Variants in DCC observed in about 807,000 individuals in gnomAD.
DCC encodes netrin receptor DCC.
A neutral mutation model predicts 172.5 loss-of-function variants in DCC; 58 were observed. That is an observed-to-expected ratio of 0.34 (90% confidence interval 0.27 to 0.42). The LOEUF is 0.42. Among genes scored for constraint, DCC ranks in the 10% least tolerant of loss-of-function variants. The pLI, the probability that DCC is intolerant of heterozygous loss-of-function variation, is 1.00. For missense variants in DCC, 1,740 were observed against 1,791.0 expected, an observed-to-expected ratio of 0.97 and a Z score of 0.51; for synonymous variants, 709 against 644.5, an observed-to-expected ratio of 1.10 and a Z score of -1.52.
intron 1 of DCC, among the ~76,000 whole-genome samples, chr18:52,634,244 G>A (rs994607691): frequency 3.2e-4 from 48 of 152,266 alleles, no homozygotes; most frequent in Admixed American, 2.0e-3. Flanking sequence ...AATTTTAATC[G>A]GTTAGGCACT....
intron 1 of DCC, among the ~76,000 whole-genome samples, chr18:52,377,675 A>AG (rs1056031156): frequency 2.6e-5 from 4 of 151,028 alleles, no homozygotes; most frequent in Admixed American, 2.0e-4. Flanking sequence ...ACAAAACAAC[A>AG]GAAAAAAAAA....
rs2046553461 is a variant in DCC at position 53,534,477 on chromosome 18, C to G, written c.*3824C>G. 1 of 152,158 alleles carries G rather than the reference C, an allele frequency of 6.6e-6. No homozygotes were observed. Among genetic ancestry groups the G allele is most frequent in the South Asian group, 2.1e-4 (1 of 4,822 alleles). 9.4% of individuals were successfully genotyped at this position (152,158 alleles called of 1,614,324 possible). A position where few individuals can be genotyped will look rare whatever the true frequency, so the allele number is the denominator to read the frequency against. ...CAACTTTCTGGAGATGCAGAAGCAG[C>G]CATACACTCAAGTCTCTGTTTTTGT... On this transcript the variant is annotated 3_prime_UTR_variant, in exon 29 of 29. Transcript: ENST00000442544.
intron 2 of DCC, among the ~76,000 whole-genome samples, chr18:52,787,945 A>G (rs1014553811): frequency 7.9e-5 from 12 of 152,180 alleles, no homozygotes; most frequent in African/African-American, 2.9e-4. Context: ...ATTTCATATA[A>G]TCTTAACCAA....
At chr18:52,822,984 A>G (rs553855709) in intron 2 of DCC, among the ~76,000 whole-genome samples, 1 of 152,288 alleles carries the variant, frequency 6.6e-6, no homozygotes, top group South Asian at 2.1e-4. Flanking sequence ...AAATAGCTAG[A>G]ATTTATAATC....
At chr18:52,960,909 T>C (rs887065779) in intron 5 of DCC, among the ~76,000 whole-genome samples, 23 of 152,146 alleles carry the variant, frequency 1.5e-4, no homozygotes, top group African/African-American at 5.5e-4. Flanking sequence ...ATTTTTGTAG[T>C]AAGACTAAAG....
At chr18:52,603,591 TACACACAC>T (rs10553153) in intron 1 of DCC, among the ~76,000 whole-genome samples, 144 of 144,698 alleles carry the variant, frequency 1.0e-3, no homozygotes, top group Non-Finnish European at 1.9e-3. Context: ...GTGAAGTTAA[TACACACAC>T]ACACACACAC....
chr18:52,591,802 T>TC (rs1379094457), intron 1 of DCC, among the ~76,000 whole-genome samples: 1 of 150,046 alleles, frequency 6.7e-6, no homozygotes, highest in Non-Finnish European at 1.5e-5. Flanking sequence ...TTTTTTTTTT[T>TC]TCGGTAGTAA....
At chr18:52,349,541 CA>C (rs1426990320) in intron 1 of DCC, among the ~76,000 whole-genome samples, 1 of 152,188 alleles carries the variant, frequency 6.6e-6, no homozygotes, top group Non-Finnish European at 1.5e-5. Context: ...GAGGCATCTC[CA>C]GGGATGGTTT....
chr18:52,369,033 G>A (rs1354052293), intron 1 of DCC, among the ~76,000 whole-genome samples: 1 of 152,212 alleles, frequency 6.6e-6, no homozygotes, highest in Non-Finnish European at 1.5e-5. Flanking sequence ...GAGAGACTGA[G>A]AATGGCAAGT....
At chr18:52,997,325 T>G (rs1195339224) in intron 5 of DCC, among the ~76,000 whole-genome samples, 1 of 152,150 alleles carries the variant, frequency 6.6e-6, no homozygotes, top group African/African-American at 2.4e-5. Context: ...ATTTTTGGAC[T>G]TCTAAATATG....
At chr18:52,827,197 G>A (rs1362300021) in intron 2 of DCC, among the ~76,000 whole-genome samples, 2 of 152,170 alleles carry the variant, frequency 1.3e-5, no homozygotes, top group African/African-American at 4.8e-5. Flanking sequence ...GGTTAGGTAG[G>A]TCATTTAAGT....
chr18:52,886,817 T>C (rs186157423), intron 2 of DCC, among the ~76,000 whole-genome samples: 7 of 152,298 alleles, frequency 4.6e-5, no homozygotes, highest in Non-Finnish European at 1.0e-4. Context: ...TTGTTAAAAT[T>C]TGGTGTGTGT....
chr18:52,817,770 CCA>C (rs2038328630), intron 2 of DCC, among the ~76,000 whole-genome samples: 4 of 151,282 alleles, frequency 2.6e-5, no homozygotes, highest in African/African-American at 9.7e-5. Context: ...AGGAAAACTC[CCA>C]ATCTGAAATA....
intron 1 of DCC, among the ~76,000 whole-genome samples, chr18:52,680,721 G>A (rs748094548): frequency 6.6e-6 from 1 of 152,020 alleles, no homozygotes; most frequent in Non-Finnish European, 1.5e-5. Flanking sequence ...ATGTCATTTA[G>A]GTGGCTGCCT....
chr18:53,227,341 G>T (rs1290136144), intron 12 of DCC, among the ~76,000 whole-genome samples: 1 of 152,038 alleles, frequency 6.6e-6, no homozygotes, highest in Non-Finnish European at 1.5e-5. Context: ...CTCATCAAAT[G>T]TCCACCAGCA....
intron 4 of DCC, 102 bp downstream of exon 4, chr18:52,923,959 T>A: frequency 2.4e-6 from 2 of 846,640 alleles, no homozygotes; most frequent in Admixed American, 2.0e-5. Context: ...GTACTAGGGT[T>A]TTTCATAATA....
chr18:53,150,513 G>C (rs755493947), intron 7 of DCC, among the ~76,000 whole-genome samples: 1 of 152,198 alleles, frequency 6.6e-6, no homozygotes, highest in African/African-American at 2.4e-5. Context: ...CATACAATTT[G>C]TAATAGGATC....
At chr18:53,068,785 G>A (rs1183023495) in intron 7 of DCC, among the ~76,000 whole-genome samples, 1 of 151,336 alleles carries the variant, frequency 6.6e-6, no homozygotes, top group Non-Finnish European at 1.5e-5. Context: ...GTGTGTGTGT[G>A]TGTGTGTGTG....
intron 5 of DCC, among the ~76,000 whole-genome samples, chr18:52,985,529 C>T (rs1189170060): frequency 1.3e-5 from 2 of 152,076 alleles, no homozygotes; most frequent in Non-Finnish European, 2.9e-5. Context: ...CTGATATTAT[C>T]GGTAGGTATG....
Sources: gnomAD v4.1 joint callset for allele counts (sites outside exome capture counted in the v4.1 genomes callset) on GRCh38, gnomAD v4.1.1 for gene constraint, MANE v1.5 for transcripts, NCBI Gene and HGNC (gene_info 2026-07-23, HGNC 2026-07-21) for gene names.